Variants in ABCB7 observed in about 807,000 individuals in gnomAD.
ABCB7 encodes iron-sulfur clusters transporter ABCB7, mitochondrial.
In ABCB7, 7 loss-of-function variants were observed where a neutral mutation model predicts 54.4. The ratio of observed to expected loss-of-function variants is 0.13; its 90% confidence interval spans 0.07 to 0.24. The LOEUF is 0.24. Ranked by LOEUF, ABCB7 falls within the 10% of genes least tolerant of loss-of-function variation. ABCB7 has a pLI of 1.00. For missense variants in ABCB7, 356 were observed against 570.4 expected (o/e 0.62, Z 3.83); for synonymous variants, 218 against 207.1 (o/e 1.05, Z -0.45).
intron 1 of ABCB7, among the ~76,000 whole-genome samples, chrX:75,154,639 G>A (rs148503064): frequency 2.7e-5 from 3 of 111,767 alleles, no homozygotes; most frequent in Non-Finnish European, 3.8e-5. Context: ...TTGCACATGC[G>A]ATTCCTTCTT....
At chrX:75,152,863 T>A (rs890055022) in intron 1 of ABCB7, among the ~76,000 whole-genome samples, 1 of 109,926 alleles carries the variant, frequency 9.1e-6, no homozygotes, top group Non-Finnish European at 1.9e-5. Context: ...TTTCACCATA[T>A]TGGTCAGGCT....
intron 12 of ABCB7, among the ~76,000 whole-genome samples, chrX:75,067,049 A>C (rs1216591420): frequency 1.8e-5 from 2 of 111,871 alleles, no homozygotes; most frequent in Non-Finnish European, 3.8e-5. Context: ...TCCTAGAAGC[A>C]GAATTATTGG....
At chrX:75,080,110 T>C (rs1007192176) in intron 4 of ABCB7, among the ~76,000 whole-genome samples, 1 of 112,140 alleles carries the variant, frequency 8.9e-6, no homozygotes, top group Non-Finnish European at 1.9e-5. Flanking sequence ...ATTCAACCAG[T>C]CACCCCGAAG....
At chrX:75,078,282 C>G (rs942141990) in intron 4 of ABCB7, among the ~76,000 whole-genome samples, 2 of 111,484 alleles carry the variant, frequency 1.8e-5, no homozygotes, top group African/African-American at 6.5e-5. Flanking sequence ...ATAATGCCTT[C>G]TCTGAAACAT....
intron 4 of ABCB7, among the ~76,000 whole-genome samples, chrX:75,087,360 A>G (rs190467640): frequency 8.9e-6 from 1 of 112,275 alleles, no homozygotes; most frequent in Admixed American, 9.5e-5. Flanking sequence ...TTCTATTCTC[A>G]TTAAAGGAAA....
intron 5 of ABCB7, 104 bp from the exon 6 acceptor site, chrX:75,075,734 G>C (rs755089704): frequency 1.3e-6 from 1 of 767,835 alleles, no homozygotes; most frequent in African/African-American, 2.1e-5. Context: ...GAGTAATTCA[G>C]TGAATGAATA....
chrX:75,083,098 C>T (rs748102355), intron 4 of ABCB7, among the ~76,000 whole-genome samples: 1 of 111,290 alleles, frequency 9.0e-6, no homozygotes, highest in African/African-American at 3.3e-5. Context: ...ATTGACATTG[C>T]CCTCATCAAG....
rs2147563751 is a variant in ABCB7 at position 75,138,343 on chromosome X, T to C, written c.168+17762A>G. Among the ~76,000 whole-genome samples the C allele has an allele frequency of 1.8e-5, 2 of 112,195 alleles. 1 individual carries two copies. The highest frequency in any genetic ancestry group is 7.4e-4 in the South Asian group (2 of 2,708). On this transcript the variant is annotated intron_variant, in intron 1 of 15. Transcript: ENST00000373394. Reference sequence around the variant, plus strand: ...GTATACACACATGCATATTTATACATATACGTATGTACACACACACATACA... The same window carrying C: ...GTATACACACATGCATATTTATACACATACGTATGTACACACACACATACA...
chrX:75,117,894 C>CCCTTT (rs1474687648), intron 1 of ABCB7, among the ~76,000 whole-genome samples: 30 of 111,897 alleles, frequency 2.7e-4, no homozygotes, highest in Admixed American at 2.6e-3. Context: ...ATACTTTTCT[C>CCCTTT]CCTTTCCTTT....
chrX:75,053,201 A>C lies in ABCB7; in HGVS notation c.*169T>G. The C allele has an allele frequency of 1.5e-6, 1 of 665,717 alleles. No individual in the cohort carries two copies. Among genetic ancestry groups the C allele is most frequent in the South Asian group, 3.0e-5 (1 of 33,785 alleles). The allele number at this position is 665,717 out of a possible 1,213,427, so 54.9% of individuals were successfully genotyped here. A position where few individuals can be genotyped will look rare whatever the true frequency, so the allele number is the denominator to read the frequency against. The stretch of plus-strand genomic sequence containing the variant: ...TAATTTGGGGATAAATACAGATGCC[A>C]CATTAAATAGACTATGAAAGATGTA... On this transcript the variant is annotated 3_prime_UTR_variant, in exon 16 of 16. Transcript: ENST00000373394.
At chrX:75,077,135 G>A (rs1056986504) in intron 4 of ABCB7, among the ~76,000 whole-genome samples, 5 of 111,489 alleles carry the variant, frequency 4.5e-5, no homozygotes, top group Non-Finnish European at 9.4e-5. Context: ...AAAATAATTT[G>A]GTCATCAAAA....
intron 4 of ABCB7, among the ~76,000 whole-genome samples, chrX:75,098,254 A>G (rs2081608581): frequency 9.2e-6 from 1 of 108,299 alleles, no homozygotes; most frequent in South Asian, 4.2e-4. Context: ...GATTGCAGTG[A>G]GCCAAGATTG....
chrX:75,109,514 T>C (rs1040052448), intron 3 of ABCB7, among the ~76,000 whole-genome samples: 4 of 110,924 alleles, frequency 3.6e-5, no homozygotes, highest in African/African-American at 1.3e-4. Flanking sequence ...TTGATAAAGG[T>C]AGAAGAATCA....
At chrX:75,083,189 C>A (rs1488811135) in intron 4 of ABCB7, among the ~76,000 whole-genome samples, 2 of 111,677 alleles carry the variant, frequency 1.8e-5, no homozygotes, top group Non-Finnish European at 3.8e-5. Flanking sequence ...ATAATTATTT[C>A]TTGCGGGAAG....
intron 13 of ABCB7, among the ~76,000 whole-genome samples, chrX:75,064,791 T>G (rs900354158): frequency 9.0e-6 from 1 of 110,715 alleles, no homozygotes; most frequent in African/African-American, 3.3e-5. Context: ...GATAACAAGT[T>G]AGTAATGATC....
chrX:75,133,035 A>G (rs1027084132), intron 1 of ABCB7, among the ~76,000 whole-genome samples: 2 of 112,283 alleles, frequency 1.8e-5, no homozygotes, highest in South Asian at 7.4e-4. Context: ...CACGATGAAG[A>G]TCACCTAGAT....
intron 3 of ABCB7, among the ~76,000 whole-genome samples, chrX:75,103,456 T>C (rs1442597105): frequency 9.0e-6 from 1 of 111,421 alleles, no homozygotes; most frequent in Non-Finnish European, 1.9e-5. Context: ...GGACTCCCTA[T>C]TCTGCTCTGT....
At chrX:75,081,399 TATA>T (rs2147479125) in intron 4 of ABCB7, among the ~76,000 whole-genome samples, 1 of 110,829 alleles carries the variant, frequency 9.0e-6, no homozygotes, top group South Asian at 3.8e-4. Context: ...AACTGAAAAA[TATA>T]ATAACTGACA....
chrX:75,082,805 A>C (rs1444114611), intron 4 of ABCB7, among the ~76,000 whole-genome samples: 2 of 111,552 alleles, frequency 1.8e-5, no homozygotes, highest in Non-Finnish European at 3.8e-5. Flanking sequence ...CAGAGTAACC[A>C]CTACAAAATT....
Sources: gnomAD v4.1 joint callset for allele counts (sites outside exome capture counted in the v4.1 genomes callset) on GRCh38, gnomAD v4.1.1 for gene constraint, MANE v1.5 for transcripts, NCBI Gene and HGNC (gene_info 2026-07-23, HGNC 2026-07-21) for gene names.